Variants in MRPL28 observed in about 807,000 individuals in gnomAD.
MRPL28 encodes large ribosomal subunit protein bL28m.
A neutral mutation model predicts 26.2 loss-of-function variants in MRPL28; 25 were observed. That is an observed-to-expected ratio of 0.95 (90% CI 0.69 to 1.33). MRPL28 has a LOEUF of 1.33. Ranked by LOEUF, MRPL28 falls within the 40% of genes most tolerant of loss-of-function variation. MRPL28 has a pLI of 0.00. For missense variants in MRPL28, 432 were observed against 327.2 expected (o/e 1.32, Z -2.47); for synonymous variants, 227 against 140.1 (o/e 1.62, Z -4.38).
rs1453473533 is a variant in MRPL28, at chr16:367,100, G to A, written c.*575C>T. Among the ~76,000 whole-genome samples, 1 of 152,192 alleles carries A rather than the reference G, an allele frequency of 6.6e-6. No individual in the cohort carries two copies. The highest frequency in any genetic ancestry group is 1.5e-5 in the Non-Finnish European group (1 of 68,040). ...GGTGCCTGTAATCCCAGCTACTCAGGAGGCTGAGACAGGACAATCACTTGA... is the reference window on the plus strand; with the variant it reads ...GGTGCCTGTAATCCCAGCTACTCAGAAGGCTGAGACAGGACAATCACTTGA... On this transcript the variant is annotated 3_prime_UTR_variant, in exon 6 of 6. Coordinates refer to ENST00000199706, the MANE Select transcript of MRPL28 (RefSeq NM_006428.5).
intron 1 of MRPL28, 23 bp downstream of exon 1, chr16:370,476 A>T (rs1404572374): frequency 1.8e-5 from 3 of 165,400 alleles, no homozygotes; most frequent in Non-Finnish European, 2.0e-5. Flanking sequence ...GCGCCCCCCC[A>T]CACCCCACCT....
At position 368,367 on chromosome 16, in the gene MRPL28, C is replaced by T. The variant is rs373533626; in HGVS notation, c.624G>A (p.Leu208=). The T allele has an allele frequency of 6.2e-6, 10 of 1,613,722 alleles. No individual in the cohort carries two copies. In the African/African-American group the frequency reaches 1.3e-4, roughly 22 times the overall value. The change falls in exon 5 of 6, where the codon CTG becomes CTA. Residue 208 remains leucine, a synonymous_variant. Coordinates refer to ENST00000199706, the MANE Select transcript of MRPL28 (RefSeq NM_006428.5). ...GTCTCTGCTTCTCAATGGCCTCCTC[C>T]AGCGTGAGGCCCACCCACTCTGCCT... The part of the protein sequence containing the change: ...EEEAEWVGLT[L]EEAIEKQRLL...
At chr16:367,959 A>G (rs538415256) in intron 5 of MRPL28, among the ~76,000 whole-genome samples, 177 bp from the exon 6 acceptor site, 11 of 152,328 alleles carry the variant, frequency 7.2e-5, no homozygotes, top group Non-Finnish European at 1.5e-4. Context: ...AGGCACACAC[A>G]TACCCCTGTC....
chr16:368,116 C>T (rs530333088), intron 5 of MRPL28, among the ~76,000 whole-genome samples: 3 of 152,344 alleles, frequency 2.0e-5, no homozygotes, highest in Admixed American at 1.3e-4. Context: ...ACCCACTCCT[C>T]CTACTGAGGG....
In MRPL28 at chr16:370,106, G is replaced by A. The variant is rs373672862; in HGVS notation, c.113C>T (p.Pro38Leu). 3.7e-6 allele frequency: 6 copies of A among 1,610,264 alleles called. No individual in the cohort carries two copies. The highest frequency in any genetic ancestry group is 1.1e-5 in the South Asian group (1 of 90,804). ...YLRSLEEERT[P>L]TPVHYRPHGA... Reference sequence around the variant, plus strand: ...ATGAGGCCTATAGTGCACGGGAGTGGGCGTCCGCTCCTCCTCCAGGGAGCG... The same window carrying A: ...ATGAGGCCTATAGTGCACGGGAGTGAGCGTCCGCTCCTCCTCCAGGGAGCG... Residue 38 changes from proline to leucine, a missense_variant, in exon 2 of 6, where the codon CCC (proline) becomes CTC (leucine). Coordinates refer to ENST00000199706, the MANE Select transcript of MRPL28 (RefSeq NM_006428.5).
Position 370,038 on chromosome 16 carries a change from G to A in MRPL28, c.181C>T (p.Arg61Cys), listed in dbSNP as rs1162817845. The A allele has an allele frequency of 1.9e-6, 3 of 1,613,076 alleles. No individual in the cohort carries two copies. The highest frequency in any genetic ancestry group is 2.5e-6 in the Non-Finnish European group (3 of 1,179,854). The change falls in exon 2 of 6, where the codon CGT becomes TGT. Residue 61 changes from arginine (R) to cysteine (C), a missense_variant. Arg to Cys is a radical substitution (Grantham distance 180). Coordinates refer to ENST00000199706, the MANE Select transcript of MRPL28 (RefSeq NM_006428.5). ...ATGGGAATGGGCACGTCCTCCACACGCTCCCGCTGCCCGTTCTTGGGGTTG... is the reference window on the plus strand; with the variant it reads ...ATGGGAATGGGCACGTCCTCCACACACTCCCGCTGCCCGTTCTTGGGGTTG... ...KINPKNGQRE[R>C]VEDVPIPIYF... is the part of the protein sequence containing the mutation.
chr16:368,354 C>T lies in MRPL28; in HGVS notation c.637G>A (p.Glu213Lys), dbSNP rs1051048061. The T allele has an allele frequency of 6.2e-7, 1 of 1,613,752 alleles. No individual in the cohort carries two copies. Among genetic ancestry groups the T allele is most frequent in the Admixed American group, 1.7e-5 (1 of 60,022 alleles). Residue 213 changes from glutamate to lysine, a missense_variant, in exon 5 of 6, where the codon GAG (glutamate) becomes AAG (lysine). By Grantham distance (56) the Glu-to-Lys change is moderately conservative. Transcript: ENST00000199706. Reference protein sequence around the residue: ...WVGLTLEEAIEKQRLLEEKDP... With the variant: ...WVGLTLEEAIKKQRLLEEKDP... ...TTCTCCTCCAAAAGTCTCTGCTTCT[C>T]AATGGCCTCCTCCAGCGTGAGGCCC... is the stretch of plus-strand genomic sequence containing the variant.
rs998160813 is a variant in MRPL28 at position 367,487 on chromosome 16, G to A, written c.*188C>T. ...CCCAGCCTGAGAGGAGCCTCTGGGC[G>A]GCCCAGGCCTCCTGGGGATCCCTGC... On this transcript the variant is annotated 3_prime_UTR_variant, in exon 6 of 6. Transcript: ENST00000199706. 17 of 716,674 alleles carry A rather than the reference G, an allele frequency of 2.4e-5. No individual in the cohort carries two copies. The highest frequency in any genetic ancestry group is 1.2e-4 in the Admixed American group (6 of 49,140). The allele number at this position is 716,674 out of a possible 1,614,324, so 44.4% of individuals were successfully genotyped here. A position where few individuals can be genotyped will look rare whatever the true frequency, so the allele number is the denominator to read the frequency against.
rs760832388 is a variant in MRPL28 at position 369,112 on chromosome 16, C to T, written c.397G>A (p.Asp133Asn). 2 of 1,614,012 alleles carry T rather than the reference C, an allele frequency of 1.2e-6. No homozygotes were observed. Among genetic ancestry groups the T allele is most frequent in the Admixed American group, 1.7e-5 (1 of 60,012 alleles). Reference protein sequence around the residue: ...FTVTVTMRTLDLIDEAYGLDF... With the variant: ...FTVTVTMRTLNLIDEAYGLDF... ...AGCCCATAAGCCTCATCGATGAGGT[C>T]CAGGGTCCGCATGGTCACAGTCACT... The change falls in exon 3 of 6, where the codon GAC (aspartate) becomes AAC (asparagine). Residue 133 changes from aspartate (D) to asparagine (N), a missense_variant. Transcript: ENST00000199706.
intron 3 of MRPL28, 151 bp from the exon 4 acceptor site, chr16:368,786 G>T: frequency 1.6e-6 from 2 of 1,260,916 alleles, no homozygotes; most frequent in Non-Finnish European, 2.1e-6. Context: ...CAGCCTGGGG[G>T]GTGGGATCAG....
chr16:367,450 C>A lies in MRPL28; in HGVS notation c.*225G>T. On this transcript the variant is annotated 3_prime_UTR_variant, in exon 6 of 6. Coordinates refer to ENST00000199706, the MANE Select transcript of MRPL28 (RefSeq NM_006428.5). The stretch of plus-strand genomic sequence containing the variant: ...CCCACGGGCACAAGGAACACTGCCG[C>A]AAACGTCGGGGCCCAGCCTGAGAGG... The A allele has an allele frequency of 1.4e-6, 1 of 715,682 alleles. No individual in the cohort carries two copies. Among genetic ancestry groups the A allele is most frequent in the Non-Finnish European group, 2.6e-6 (1 of 383,970 alleles). 44.3% of individuals were successfully genotyped at this position (715,682 alleles called of 1,614,324 possible).
intron 2 of MRPL28, chr16:369,495 C>T (rs976735817): frequency 2.5e-5 from 16 of 638,980 alleles, no homozygotes; most frequent in Non-Finnish European, 4.6e-5. Context: ...GAAACATGTG[C>T]GACCCCACAG....
At position 368,790 on chromosome 16, in the gene MRPL28, G is replaced by T; in HGVS notation, c.442-155C>A. 4.0e-6 allele frequency: 5 copies of T among 1,241,824 alleles called. No individual in the cohort carries two copies. In the South Asian group the frequency reaches 4.6e-5, roughly 12 times the overall value. The allele number at this position is 1,241,824 out of a possible 1,614,324, so 76.9% of individuals were successfully genotyped here. A position where few individuals can be genotyped will look rare whatever the true frequency, so the allele number is the denominator to read the frequency against. On this transcript the variant is annotated intron_variant, in intron 3 of 5. Coordinates refer to ENST00000199706, the MANE Select transcript of MRPL28 (RefSeq NM_006428.5). ...CCTCAGCACCCCAGCCTGGGGGGTG[G>T]GATCAGCACAGAAGCAAGTCCAAGT...
At chr16:367,816 G>A (rs1288079499) in intron 5 of MRPL28, 34 bp from the exon 6 acceptor site, 8 of 1,584,700 alleles carry the variant, frequency 5.0e-6, no homozygotes, top group African/African-American at 1.3e-5. Flanking sequence ...TGAGGCCAGG[G>A]AAGCCCAGGG....
chr16:369,855 G>C, intron 2 of MRPL28, 76 bp downstream of exon 2: 1 of 1,533,086 alleles, frequency 6.5e-7, no homozygotes, highest in South Asian at 1.2e-5. Flanking sequence ...GTCTCTCCAG[G>C]TACCCCGGGC....
chr16:369,508 T>C (rs1400320497), intron 2 of MRPL28: 7 of 633,280 alleles, frequency 1.1e-5, no homozygotes, highest in Non-Finnish European at 2.0e-5. Context: ...CCCCACAGTT[T>C]ACAGGTTGTC....
rs2054266907 is a variant in MRPL28 at position 367,173 on chromosome 16, C to T, written c.*502G>A. 6.6e-6 allele frequency among the ~76,000 whole-genome samples: 1 copy of T among 152,110 alleles called. No individual in the cohort carries two copies. Among genetic ancestry groups the T allele is most frequent in the South Asian group, 2.1e-4 (1 of 4,826 alleles). On this transcript the variant is annotated 3_prime_UTR_variant, in exon 6 of 6. Coordinates refer to ENST00000199706, the MANE Select transcript of MRPL28 (RefSeq NM_006428.5). ...TGAGTCCAGATCGTGCCACTGCACTCCAGCCTGGGTGACTGAGCAAGACTC... is the reference window on the plus strand; with the variant it reads ...TGAGTCCAGATCGTGCCACTGCACTTCAGCCTGGGTGACTGAGCAAGACTC...
intron 2 of MRPL28, 148 bp from the exon 3 acceptor site, chr16:369,368 CCCCAG>C (rs2054295292): frequency 1.9e-6 from 2 of 1,068,120 alleles, no homozygotes; most frequent in Admixed American, 4.9e-5. Context: ...CTGGGCCGGC[CCCCAG>C]CCCAGTGCCG....
chr16:369,085 C>A lies in MRPL28; in HGVS notation c.424G>T (p.Asp142Tyr). The A allele has an allele frequency of 6.2e-7, 1 of 1,613,756 alleles. No homozygotes were observed. The highest frequency in any genetic ancestry group is 8.5e-7 in the Non-Finnish European group (1 of 1,179,888). ...LDLIDEAYGL[D>Y]FYILKTPKED... ...CCGCTTGCCTTGAGGATGTAAAAGT[C>A]GAGCCCATAAGCCTCATCGATGAGG... The change falls in exon 3 of 6, where the codon GAC becomes TAC. Residue 142 changes from aspartate to tyrosine, a missense_variant. Physicochemically the swap from Asp to Tyr is radical, Grantham distance 160. Transcript: ENST00000199706.
Sources: gnomAD v4.1 joint callset for allele counts (sites outside exome capture counted in the v4.1 genomes callset) on GRCh38, gnomAD v4.1.1 for gene constraint, MANE v1.5 for transcripts, NCBI Gene and HGNC (gene_info 2026-07-23, HGNC 2026-07-21) for gene names.